Variants in DCC observed in about 807,000 individuals in gnomAD.
The protein encoded by DCC is netrin receptor DCC.
DCC carries 58 observed loss-of-function variants against 172.5 expected under a neutral mutation model. That is an observed-to-expected ratio of 0.34 (90% CI 0.27 to 0.42). DCC has a LOEUF of 0.42. DCC is among the 10% of genes least tolerant of loss of function. The pLI, the probability that DCC is intolerant of heterozygous loss-of-function variation, is 1.00. For synonymous variants in DCC, 709 were observed against 644.5 expected (o/e 1.10, Z -1.52); for missense variants, 1,740 against 1,791.0 (o/e 0.97, Z 0.51).
Position 52,993,093 on chromosome 18 carries a change from A to G in DCC, c.985+67723A>G, listed in dbSNP as rs377355336. ...GTAATCAGTCTTTTTTTTCTAAATG[A>G]TTGTTCTAGTTGCCATAAAGGTAAG... On this transcript the variant is annotated intron_variant, in intron 5 of 28. Coordinates refer to ENST00000442544, the MANE Select transcript of DCC (RefSeq NM_005215.4). 7.2e-5 allele frequency among the ~76,000 whole-genome samples: 11 copies of G among 152,074 alleles called. No homozygotes were observed. The East Asian group carries it at 1.5e-3, about 21-fold the overall frequency.
chr18:53,261,942 G>A (rs559134601), intron 12 of DCC, among the ~76,000 whole-genome samples: 2 of 152,312 alleles, frequency 1.3e-5, no homozygotes, highest in South Asian at 2.1e-4. Context: ...ATGTTTAATA[G>A]GGACTTACCA....
chr18:52,952,348 T>A (rs1212780770), intron 5 of DCC, among the ~76,000 whole-genome samples: 1 of 152,212 alleles, frequency 6.6e-6, no homozygotes, highest in Non-Finnish European at 1.5e-5. Context: ...CTTCCTCTCA[T>A]ATGCACATCA....
chr18:52,384,665 C>A (rs1032164538), intron 1 of DCC, among the ~76,000 whole-genome samples: 1 of 152,120 alleles, frequency 6.6e-6, no homozygotes, highest in South Asian at 2.1e-4. Flanking sequence ...TTTAAAGTTA[C>A]CAAGTCGTCT....
chr18:53,356,587 G>A (rs1316633943), intron 15 of DCC, among the ~76,000 whole-genome samples: 1 of 152,122 alleles, frequency 6.6e-6, no homozygotes, highest in Non-Finnish European at 1.5e-5. Flanking sequence ...GAGTTACATG[G>A]TTGTCCATCT....
intron 5 of DCC, among the ~76,000 whole-genome samples, chr18:52,988,098 AAAAT>A (rs1260783368): frequency 6.6e-6 from 1 of 152,194 alleles, no homozygotes; most frequent in Non-Finnish European, 1.5e-5. Flanking sequence ...CCTCATTCCA[AAAAT>A]AAATAATCTG....
intron 7 of DCC, among the ~76,000 whole-genome samples, chr18:53,103,132 T>C (rs2043196787): frequency 6.6e-6 from 1 of 152,056 alleles, no homozygotes; most frequent in South Asian, 2.1e-4. Flanking sequence ...CCCTAGGATA[T>C]ATCACCATGC....
chr18:53,322,551 T>A (rs977465093), intron 14 of DCC, among the ~76,000 whole-genome samples: 51 of 152,242 alleles, frequency 3.3e-4, no homozygotes, highest in African/African-American at 1.2e-3. Context: ...TGCTTTTTTA[T>A]GAGGCTTTTG....
At chr18:53,267,730 T>G (rs1462357362) in intron 12 of DCC, among the ~76,000 whole-genome samples, 1 of 152,150 alleles carries the variant, frequency 6.6e-6, no homozygotes, top group Non-Finnish European at 1.5e-5. Flanking sequence ...TCTCCCCAAA[T>G]GCTAGGATTA....
chr18:52,969,555 A>G (rs995122067), intron 5 of DCC, among the ~76,000 whole-genome samples: 2 of 140,136 alleles, frequency 1.4e-5, no homozygotes, highest in Non-Finnish European at 3.1e-5. Flanking sequence ...TTAGCCTCTA[A>G]TGCAATTTCC....
chr18:53,388,075 A>G (rs1908292545), intron 16 of DCC, among the ~76,000 whole-genome samples: 1 of 152,192 alleles, frequency 6.6e-6, no homozygotes, highest in Non-Finnish European at 1.5e-5. Context: ...GATCCAGGCA[A>G]TTTTTATTTT....
At chr18:52,366,023 TC>T (rs1984833192) in intron 1 of DCC, among the ~76,000 whole-genome samples, 2 of 152,344 alleles carry the variant, frequency 1.3e-5, no homozygotes, top group South Asian at 4.1e-4. Flanking sequence ...GAATATAGCT[TC>T]TTACAACTCT....
intron 1 of DCC, among the ~76,000 whole-genome samples, chr18:52,702,538 C>T (rs1317712866): frequency 6.6e-6 from 1 of 152,130 alleles, no homozygotes; most frequent in Non-Finnish European, 1.5e-5. Flanking sequence ...TTTTCATTTG[C>T]AAATGTGTAA....
chr18:52,920,240 C>A (rs2040101859), intron 3 of DCC, among the ~76,000 whole-genome samples: 1 of 151,756 alleles, frequency 6.6e-6, no homozygotes, highest in Admixed American at 6.6e-5. Context: ...AAAAACTTAT[C>A]TTCTACAAAA....
chr18:52,864,903 T>G (rs879551837), intron 2 of DCC, among the ~76,000 whole-genome samples: 5 of 152,048 alleles, frequency 3.3e-5, no homozygotes, highest in Admixed American at 3.3e-4. Flanking sequence ...TCTCACTCTG[T>G]GGCCCAGCCT....
chr18:52,816,439 C>T (rs769045023), intron 2 of DCC, among the ~76,000 whole-genome samples: 1 of 152,210 alleles, frequency 6.6e-6, no homozygotes, highest in East Asian at 1.9e-4. Flanking sequence ...AAGTCCTTTT[C>T]AAGGTGGCGG....
intron 1 of DCC, among the ~76,000 whole-genome samples, chr18:52,642,150 A>G (rs1397657085): frequency 6.6e-6 from 1 of 151,306 alleles, no homozygotes; most frequent in Non-Finnish European, 1.5e-5. Context: ...CATAAAAAGG[A>G]ATGAATTAAC....
At chr18:53,390,752 AT>A (rs1300197360) in intron 16 of DCC, among the ~76,000 whole-genome samples, 1 of 152,206 alleles carries the variant, frequency 6.6e-6, no homozygotes, top group Non-Finnish European at 1.5e-5. Flanking sequence ...CATTTTGCAG[AT>A]TCCCATTATA....
chr18:53,220,800 A>G (rs867923708), intron 12 of DCC, among the ~76,000 whole-genome samples: 323 of 151,944 alleles, frequency 2.1e-3, no homozygotes, highest in African/African-American at 7.5e-3. Flanking sequence ...TCCTTCATCT[A>G]TTCATTACAT....
chr18:52,897,786 A>C (rs1327831282), intron 2 of DCC, among the ~76,000 whole-genome samples: 2 of 152,192 alleles, frequency 1.3e-5, no homozygotes, highest in African/African-American at 4.8e-5. Context: ...CCATAGAGCA[A>C]TTGCTCTTCA....
Sources: gnomAD v4.1 joint callset for allele counts (sites outside exome capture counted in the v4.1 genomes callset) on GRCh38, gnomAD v4.1.1 for gene constraint, MANE v1.5 for transcripts, NCBI Gene and HGNC (gene_info 2026-07-23, HGNC 2026-07-21) for gene names.